Variants in MYO19 observed in about 807,000 individuals in gnomAD.
MYO19 encodes the protein unconventional myosin-XIX.
MYO19 carries 132 observed loss-of-function variants against 129.2 expected under a neutral mutation model. The ratio of observed to expected loss-of-function variants is 1.02; its 90% CI spans 0.89 to 1.18. The LOEUF (loss-of-function observed/expected upper bound fraction) is 1.18. Ranked by LOEUF, MYO19 falls within the 50% of genes most tolerant of loss-of-function variation. The pLI is 0.00. For missense variants in MYO19, 1,210 were observed against 1,216.7 expected (o/e 0.99, Z 0.08); for synonymous variants, 531 against 477.2 (o/e 1.11, Z -1.47).
chr17:36,496,802 T>C (rs1599175088), intron 25 of MYO19, among the ~76,000 whole-genome samples: 1 of 152,274 alleles, frequency 6.6e-6, no homozygotes, highest in East Asian at 1.9e-4. Context: ...ATGCAGTAGG[T>C]TGAGTATTAG....
chr17:36,510,115 C>G (rs1330970169), intron 13 of MYO19, among the ~76,000 whole-genome samples: 2 of 152,248 alleles, frequency 1.3e-5, no homozygotes, highest in East Asian at 3.8e-4. Flanking sequence ...CACACATACA[C>G]TCATTCTGGC....
chr17:36,505,095 G>A, intron 19 of MYO19: 1 of 755,746 alleles, frequency 1.3e-6, no homozygotes, highest in Non-Finnish European at 2.4e-6. Context: ...TGCCTCCCTG[G>A]CTAGGCTACT....
At chr17:36,525,128 G>T in intron 6 of MYO19, 100 bp downstream of exon 6, 1 of 856,528 alleles carries the variant, frequency 1.2e-6, no homozygotes, top group Non-Finnish European at 1.9e-6. Flanking sequence ...GGAATGATTA[G>T]GAAGCAAACA....
At chr17:36,527,832 A>G in intron 4 of MYO19, 133 bp from the exon 5 acceptor site, 2 of 1,155,582 alleles carry the variant, frequency 1.7e-6, no homozygotes, top group East Asian at 2.6e-5. Context: ...AGCTCCCTGA[A>G]GAAAAGATAC....
chr17:36,507,253 T>G (rs902365046), intron 16 of MYO19, 114 bp from the exon 17 acceptor site: 48 of 1,471,744 alleles, frequency 3.3e-5, no homozygotes, highest in Non-Finnish European at 4.0e-5. Flanking sequence ...CATCATAGTG[T>G]CCCCAACAGA....
chr17:36,510,972 G>A (rs942670224), intron 12 of MYO19, 55 bp from the exon 13 acceptor site: 165 of 1,509,466 alleles, frequency 1.1e-4, no homozygotes, highest in Middle Eastern at 8.6e-4. Context: ...TCCTCTTCAC[G>A]AGGCACTGTG....
At position 36,513,727 on chromosome 17, in the gene MYO19, T is replaced by A. The variant is rs377401679; in HGVS notation, c.721-2A>T. The A allele has an allele frequency of 9.3e-6, 15 of 1,612,914 alleles. No individual in the cohort carries two copies. The highest frequency in any genetic ancestry group is 3.3e-5 in the Admixed American group (2 of 59,956). On this transcript the variant is annotated splice_acceptor_variant, in intron 9 of 25. Coordinates refer to ENST00000614623, the MANE Select transcript of MYO19 (RefSeq NM_001163735.2). LOFTEE classifies it high-confidence loss of function. ...GTCCTCACTGGCTCCTTTGCAAATC[T>A]GTGGAGAAGGGTAGGTGGGAGGCTG... is the stretch of plus-strand genomic sequence containing the variant.
At chr17:36,523,538 C>G (rs1357885461) in intron 6 of MYO19, among the ~76,000 whole-genome samples, 1 of 152,102 alleles carries the variant, frequency 6.6e-6, no homozygotes, top group Non-Finnish European at 1.5e-5. Context: ...ACTTGCCCCA[C>G]TTTTTCACTG....
intron 23 of MYO19, chr17:36,500,036 T>A (rs2071398340): frequency 6.6e-6 from 1 of 152,024 alleles, no homozygotes; most frequent in Non-Finnish European, 1.5e-5. Context: ...TTTTTGTATT[T>A]TTAGTAGAGA....
rs528092212 is a variant in MYO19, at chr17:36,525,410, T to A, written c.301-69A>T. 43 of 1,153,724 alleles carry A rather than the reference T, an allele frequency of 3.7e-5. No homozygotes were observed. In the South Asian group the frequency reaches 5.0e-4, roughly 13 times the overall value. 71.5% of individuals were successfully genotyped at this position (1,153,724 alleles called of 1,614,324 possible). On this transcript the variant is annotated intron_variant, in intron 5 of 25. Transcript: ENST00000614623. The stretch of plus-strand genomic sequence containing the variant: ...TTTTCAATGATGACTGAGCCAATGA[T>A]GACTGAGATGGGGAGGCTGCCAATA...
intron 11 of MYO19, chr17:36,512,711 T>C (rs868740723): frequency 7.8e-7 from 1 of 1,289,174 alleles, no homozygotes; most frequent in South Asian, 1.2e-5. Flanking sequence ...TTCCACTGCA[T>C]TGCTACCTCC....
At chr17:36,512,111 G>A (rs2072372777) in intron 11 of MYO19, among the ~76,000 whole-genome samples, 1 of 152,004 alleles carries the variant, frequency 6.6e-6, no homozygotes, top group South Asian at 2.1e-4. Flanking sequence ...AGCACTCTGG[G>A]AGGCTGAGGC....
Position 36,512,089 on chromosome 17 carries a change from G to A in MYO19, c.895-634C>T, listed in dbSNP as rs187269594. ...GACCCAGCTAGGCATGGTGGCACAC[G>A]CTTGTAATTCCAGCACTCTGGGAGG... On this transcript the variant is annotated intron_variant, in intron 11 of 25. Transcript: ENST00000614623. Among the ~76,000 whole-genome samples, 7 of 152,144 alleles carry A rather than the reference G, an allele frequency of 4.6e-5. No individual in the cohort carries two copies. The East Asian group carries it at 7.7e-4, about 17-fold the overall frequency.
Position 36,506,765 on chromosome 17 carries a change from G to T in MYO19, c.1645-157C>A. ...GGACAACCAGAGACCTGGAGACCCA[G>T]TCTAACATGGGTTATCTCCAGGCAG... On this transcript the variant is annotated intron_variant, in intron 17 of 25. Coordinates refer to ENST00000614623, the MANE Select transcript of MYO19 (RefSeq NM_001163735.2). 4 of 1,092,620 alleles carry T rather than the reference G, an allele frequency of 3.7e-6. No individual in the cohort carries two copies. The South Asian group carries it at 5.4e-5, about 15-fold the overall frequency. The allele number at this position is 1,092,620 out of a possible 1,614,324, so 67.7% of individuals were successfully genotyped here.
intron 5 of MYO19, among the ~76,000 whole-genome samples, chr17:36,526,482 A>G (rs965938824): frequency 1.3e-5 from 2 of 152,100 alleles, no homozygotes; most frequent in African/African-American, 4.8e-5. Flanking sequence ...CCCCACCCCA[A>G]ATAACTTATC....
At chr17:36,501,282 CCT>C in intron 21 of MYO19, 47 bp from the exon 22 acceptor site, 1 of 1,557,760 alleles carries the variant, frequency 6.4e-7, no homozygotes, top group Non-Finnish European at 8.7e-7. Context: ...TCTCTACATG[CCT>C]CTGTGGCCTG....
intron 1 of MYO19, 86 bp downstream of exon 1, chr17:36,534,675 C>A (rs2074028140): frequency 6.6e-6 from 1 of 152,562 alleles, no homozygotes; most frequent in Non-Finnish European, 1.5e-5. Context: ...ACGCCTACTT[C>A]TTCCTCACCG....
chr17:36,520,820 G>A (rs1334625836), intron 6 of MYO19, among the ~76,000 whole-genome samples: 2 of 152,202 alleles, frequency 1.3e-5, no homozygotes, highest in African/African-American at 2.4e-5. Context: ...CAGGTTTCCA[G>A]TCAACAGTAG....
At chr17:36,504,357 AT>A (rs2071737268) in intron 19 of MYO19, 2 of 280,588 alleles carry the variant, frequency 7.1e-6, no homozygotes, top group African/African-American at 2.2e-5. Flanking sequence ...TCCAGTTTGG[AT>A]TGTTTTCACT....
Sources: gnomAD v4.1 joint callset for allele counts (sites outside exome capture counted in the v4.1 genomes callset) on GRCh38, gnomAD v4.1.1 for gene constraint, MANE v1.5 for transcripts, NCBI Gene and HGNC (gene_info 2026-07-23, HGNC 2026-07-21) for gene names.